Variants in RASA2 observed in about 807,000 individuals in gnomAD.
The protein encoded by RASA2 is RAS p21 protein activator 2.
RASA2 carries 155 observed loss-of-function variants against 118.2 expected under a neutral mutation model. The observed-to-expected ratio is 1.31, with a 90% CI of 1.15 to 1.50. The LOEUF (loss-of-function observed/expected upper bound fraction) is 1.50. Ranked by LOEUF, RASA2 falls within the 40% of genes most tolerant of loss-of-function variation. The probability of loss-of-function intolerance (pLI) is 0.00; values close to 1 mark genes in which losing one functional copy is unlikely to be tolerated. For synonymous variants in RASA2, 353 were observed against 349.1 expected, an observed-to-expected ratio of 1.01 and a Z score of -0.12; for missense variants, 1,016 against 1,009.6, an observed-to-expected ratio of 1.01 and a Z score of -0.09.
rs1197521648 is a variant in RASA2, at chr3:141,571,429, C to T, written c.1044C>T (p.Tyr348=). 1 of 1,613,558 alleles carries T rather than the reference C, an allele frequency of 6.2e-7. No homozygotes were observed. The highest frequency in any genetic ancestry group is 2.2e-5 in the East Asian group (1 of 44,870). Residue 348 remains tyrosine (Y), a synonymous_variant, in exon 11 of 24, where the codon TAC becomes TAT. Coordinates refer to ENST00000286364, the MANE Select transcript of RASA2 (RefSeq NM_006506.5). The part of the protein sequence containing the change: ...DVQPISASAA[Y]ILSEICRDKN... ...AGCCAATATCTGCCTCAGCTGCTTACATTTTGAGTGAAATATGTCGAGATA... is the reference window on the plus strand; with the variant it reads ...AGCCAATATCTGCCTCAGCTGCTTATATTTTGAGTGAAATATGTCGAGATA...
In RASA2 at chr3:141,583,607, A is replaced by G. The variant is rs539039283; in HGVS notation, c.1753-2418A>G. Among the ~76,000 whole-genome samples, 3 of 152,128 alleles carry G rather than the reference A, an allele frequency of 2.0e-5. No homozygotes were observed. In the East Asian group the frequency reaches 5.8e-4, roughly 29 times the overall value. On this transcript the variant is annotated intron_variant, in intron 17 of 23. Coordinates refer to ENST00000286364, the MANE Select transcript of RASA2 (RefSeq NM_006506.5). ...TCCCTTGGATACTTGTACCCACATT[A>G]CCCACATATAATGCAAAAGGAACTC...
At chr3:141,598,166 G>C (rs1421683453) in intron 19 of RASA2, among the ~76,000 whole-genome samples, 2 of 151,176 alleles carry the variant, frequency 1.3e-5, no homozygotes, top group African/African-American at 4.9e-5. Flanking sequence ...TTAGAAAACA[G>C]AGGGAAAGAA....
intron 1 of RASA2, among the ~76,000 whole-genome samples, chr3:141,498,410 A>G (rs1577639240): frequency 6.6e-6 from 1 of 152,232 alleles, no homozygotes; most frequent in Admixed American, 6.5e-5. Context: ...GCTATGGTCT[A>G]ATGTAGTGGA....
chr3:141,493,179 G>A (rs543279217), intron 1 of RASA2, among the ~76,000 whole-genome samples: 1 of 152,250 alleles, frequency 6.6e-6, no homozygotes, highest in South Asian at 2.1e-4. Flanking sequence ...TATGAATGTT[G>A]CAAATGTACT....
intron 2 of RASA2, among the ~76,000 whole-genome samples, chr3:141,514,862 G>GA (rs1259131368): frequency 2.6e-5 from 4 of 152,128 alleles, no homozygotes; most frequent in Non-Finnish European, 5.9e-5. Context: ...CAACAACATC[G>GA]AAAAAATCTC....
intron 17 of RASA2, among the ~76,000 whole-genome samples, chr3:141,582,609 G>A (rs3821710): frequency 0.43 from 65,573 of 151,884 alleles, 14,658 homozygotes; most frequent in African/African-American, 0.55. Context: ...ATCTACTCTG[G>A]GTCACCCACT....
chr3:141,570,607 CT>C (rs535219842), intron 9 of RASA2, among the ~76,000 whole-genome samples: 76 of 152,028 alleles, frequency 5.0e-4, no homozygotes, highest in Admixed American at 3.9e-3. Context: ...AAATGTTTAC[CT>C]TTTATTATCA....
chr3:141,507,220 C>T (rs900806161), intron 1 of RASA2, among the ~76,000 whole-genome samples: 1 of 152,052 alleles, frequency 6.6e-6, no homozygotes, highest in Non-Finnish European at 1.5e-5. Flanking sequence ...CACGTGTAGC[C>T]GGTGGATTTA....
chr3:141,606,591 G>A (rs2083552884), intron 19 of RASA2, among the ~76,000 whole-genome samples: 1 of 152,094 alleles, frequency 6.6e-6, no homozygotes, highest in South Asian at 2.1e-4. Flanking sequence ...TTCAGTATAT[G>A]ATAGTTGAAT....
chr3:141,525,386 TC>T (rs1456360308), intron 3 of RASA2: 2 of 152,058 alleles, frequency 1.3e-5, no homozygotes, highest in East Asian at 3.9e-4. Flanking sequence ...GCTCAAGCAG[TC>T]CTCCTGTCTC....
intron 1 of RASA2, among the ~76,000 whole-genome samples, chr3:141,502,482 T>G (rs1204334984): frequency 6.6e-6 from 1 of 152,158 alleles, no homozygotes; most frequent in Non-Finnish European, 1.5e-5. Context: ...CCTTCATCTC[T>G]CTTTATGCTT....
At position 141,580,452 on chromosome 3, in the gene RASA2, G is replaced by A. The variant is rs1197706546; in HGVS notation, c.1674+1G>A. ...CTGGGGGAGTCTGTCCAAAAGCAAG[G>A]TAAGTCCTTACATCTTTTATTTTGT... On this transcript the variant is annotated splice_donor_variant, in intron 16 of 23. Transcript: ENST00000286364. LOFTEE classifies it high-confidence loss of function. 2 of 1,586,664 alleles carry A rather than the reference G, an allele frequency of 1.3e-6. No individual in the cohort carries two copies. The highest frequency in any genetic ancestry group is 1.7e-5 in the Admixed American group (1 of 59,168).
intron 9 of RASA2, among the ~76,000 whole-genome samples, chr3:141,560,731 C>T (rs1472972629): frequency 6.6e-6 from 1 of 152,166 alleles, no homozygotes; most frequent in Non-Finnish European, 1.5e-5. Flanking sequence ...TGCCCAGCAT[C>T]TCTCTTGCTA....
At chr3:141,489,966 T>C (rs1413782887) in intron 1 of RASA2, among the ~76,000 whole-genome samples, 2 of 133,452 alleles carry the variant, frequency 1.5e-5, no homozygotes, top group Non-Finnish European at 3.2e-5. Context: ...TTGAGTGTAC[T>C]TTTTTTTTTT....
chr3:141,500,126 C>G (rs1028542083), intron 1 of RASA2, among the ~76,000 whole-genome samples: 2 of 152,164 alleles, frequency 1.3e-5, no homozygotes, highest in African/African-American at 4.8e-5. Flanking sequence ...GTGTAACTTT[C>G]CAGTGGTGTT....
intron 3 of RASA2, among the ~76,000 whole-genome samples, chr3:141,517,831 A>G (rs1263112448): frequency 1.3e-5 from 2 of 151,798 alleles, no homozygotes; most frequent in Non-Finnish European, 2.9e-5. Flanking sequence ...TTTTTTTTGT[A>G]TTTTTAGTAG....
chr3:141,507,378 A>G (rs376977983), intron 1 of RASA2, among the ~76,000 whole-genome samples: 1 of 152,258 alleles, frequency 6.6e-6, no homozygotes, highest in Non-Finnish European at 1.5e-5. Flanking sequence ...GTGGCTTACA[A>G]AATTGTTGAC....
At chr3:141,487,400 C>T (rs2081591071) in intron 1 of RASA2, among the ~76,000 whole-genome samples, 184 bp downstream of exon 1, 1 of 147,626 alleles carries the variant, frequency 6.8e-6, no homozygotes, top group Non-Finnish European at 1.5e-5. Flanking sequence ...CTCGACGGGG[C>T]GGCGTGGGCC....
chr3:141,606,951 T>C (rs1427765120), intron 19 of RASA2, among the ~76,000 whole-genome samples: 1 of 152,204 alleles, frequency 6.6e-6, no homozygotes, highest in African/African-American at 2.4e-5. Flanking sequence ...ATAGTTTCTA[T>C]GACTATGTGA....
Sources: gnomAD v4.1 joint callset for allele counts (sites outside exome capture counted in the v4.1 genomes callset) on GRCh38, gnomAD v4.1.1 for gene constraint, MANE v1.5 for transcripts, NCBI Gene and HGNC (gene_info 2026-07-23, HGNC 2026-07-21) for gene names.